SPOCK1: variants seen among roughly 807,000 people sequenced by gnomAD.
The protein encoded by SPOCK1 is testican-1.
In SPOCK1, 23 loss-of-function variants were observed where a neutral mutation model predicts 55.3. The ratio of observed to expected loss-of-function variants is 0.42; its 90% CI spans 0.30 to 0.59. The LOEUF (loss-of-function observed/expected upper bound fraction) is 0.59, where lower values mean the gene tolerates loss of function less well. Among genes scored for constraint, SPOCK1 ranks in the 20% least tolerant of loss-of-function variants. SPOCK1 has a pLI of 0.22. For missense variants in SPOCK1, 499 were observed against 552.5 expected (o/e 0.90, Z 0.97); for synonymous variants, 226 against 221.0 (o/e 1.02, Z -0.20).
chr5:137,074,554 T>C (rs1307749857), intron 5 of SPOCK1, among the ~76,000 whole-genome samples: 3 of 152,234 alleles, frequency 2.0e-5, no homozygotes, highest in African/African-American at 7.2e-5. Context: ...TTCGCTCTTA[T>C]TGCCCAGGCT....
chr5:137,075,850 C>T (rs536886361), intron 5 of SPOCK1, among the ~76,000 whole-genome samples: 54 of 152,350 alleles, frequency 3.5e-4, no homozygotes, highest in African/African-American at 1.1e-3. Context: ...TGCCTTGGCT[C>T]ACCTCCACTG....
intron 4 of SPOCK1, among the ~76,000 whole-genome samples, chr5:137,123,425 C>A (rs913519078): frequency 1.3e-5 from 2 of 152,130 alleles, no homozygotes; most frequent in African/African-American, 4.8e-5. Context: ...ACATTTGCCC[C>A]GTGTTCCCAG....
chr5:137,293,447 A>G (rs767212547), intron 2 of SPOCK1, among the ~76,000 whole-genome samples: 4 of 152,092 alleles, frequency 2.6e-5, no homozygotes, highest in Non-Finnish European at 5.9e-5. Flanking sequence ...TGCCCTCTAG[A>G]GCTTCAAATC....
Position 136,978,797 on chromosome 5 carries a change from C to A in SPOCK1, c.1177G>T (p.Val393Phe). ...SGDFGSGGSV[V>F]LLDDLEYERE... The stretch of plus-strand genomic sequence containing the variant: ...TCATATTCTAGGTCATCCAGCAGGA[C>A]CACGGACCCACCACTGCCAAAATCC... The change falls in exon 11 of 11, where the codon GTC (valine) becomes TTC (phenylalanine). Residue 393 changes from valine to phenylalanine, a missense_variant. Transcript: ENST00000394945. The A allele has an allele frequency of 1.2e-6, 2 of 1,613,752 alleles. No homozygotes were observed. Among genetic ancestry groups the A allele is most frequent in the South Asian group, 1.1e-5 (1 of 91,032 alleles).
chr5:137,244,747 C>T (rs990494604), intron 3 of SPOCK1, among the ~76,000 whole-genome samples: 3 of 152,174 alleles, frequency 2.0e-5, no homozygotes, highest in Non-Finnish European at 4.4e-5. Flanking sequence ...GCAAATAACT[C>T]CACAAGGCAA....
chr5:137,242,740 C>G (rs1475920118), intron 3 of SPOCK1, among the ~76,000 whole-genome samples: 1 of 151,976 alleles, frequency 6.6e-6, no homozygotes, highest in Admixed American at 6.5e-5. Context: ...CCTGTACCCC[C>G]AACCCCCAAA....
chr5:137,079,781 C>G (rs1384073397), intron 5 of SPOCK1, among the ~76,000 whole-genome samples: 1 of 151,922 alleles, frequency 6.6e-6, no homozygotes. Context: ...CTTTCTTTTC[C>G]CATCCCAAAC....
chr5:137,041,618 A>T (rs994062261), intron 6 of SPOCK1, among the ~76,000 whole-genome samples: 11 of 152,238 alleles, frequency 7.2e-5, no homozygotes, highest in Non-Finnish European at 1.5e-4. Context: ...TTCAACAAGA[A>T]CATAAACAAC....
chr5:137,400,284 G>C (rs1751947873), intron 2 of SPOCK1, among the ~76,000 whole-genome samples: 1 of 152,144 alleles, frequency 6.6e-6, no homozygotes, highest in South Asian at 2.1e-4. Context: ...CACAAACAGA[G>C]ACTGTACCAA....
At chr5:137,083,498 C>T (rs1752909106) in intron 5 of SPOCK1, among the ~76,000 whole-genome samples, 1 of 152,194 alleles carries the variant, frequency 6.6e-6, no homozygotes, top group African/African-American at 2.4e-5. Flanking sequence ...ATTTATTCAA[C>T]TGATATTTGT....
intron 6 of SPOCK1, among the ~76,000 whole-genome samples, chr5:137,026,621 CCA>C (rs149820839): frequency 6.6e-6 from 1 of 152,094 alleles, no homozygotes; most frequent in Admixed American, 6.5e-5. Context: ...CTTTTTCTGT[CCA>C]CACACACACC....
intron 2 of SPOCK1, among the ~76,000 whole-genome samples, chr5:137,490,837 A>G (rs1227498265): frequency 6.6e-6 from 1 of 152,102 alleles, no homozygotes; most frequent in Non-Finnish European, 1.5e-5. Flanking sequence ...ATAACAAAGA[A>G]TGGGCCATAT....
At chr5:137,168,681 C>CT (rs1754694237) in intron 3 of SPOCK1, among the ~76,000 whole-genome samples, 1 of 152,034 alleles carries the variant, frequency 6.6e-6, no homozygotes, top group South Asian at 2.1e-4. Flanking sequence ...GTTAAGATGG[C>CT]TTTTTTCCAT....
intron 3 of SPOCK1, among the ~76,000 whole-genome samples, chr5:137,174,769 G>T (rs1242937317): frequency 1.3e-5 from 2 of 152,206 alleles, no homozygotes; most frequent in Non-Finnish European, 2.9e-5. Flanking sequence ...CACTATTATG[G>T]TTTGGTGTCA....
At chr5:137,278,627 C>A (rs1757112970) in intron 2 of SPOCK1, among the ~76,000 whole-genome samples, 1 of 152,176 alleles carries the variant, frequency 6.6e-6, no homozygotes, top group Admixed American at 6.5e-5. Context: ...CCTGAGCTAC[C>A]CTGCCTGTTA....
chr5:137,250,219 A>G (rs1354142864), intron 3 of SPOCK1, among the ~76,000 whole-genome samples: 1 of 152,224 alleles, frequency 6.6e-6, no homozygotes, highest in Non-Finnish European at 1.5e-5. Flanking sequence ...TTCCCTCTAC[A>G]AGGCCAAATT....
intron 4 of SPOCK1, among the ~76,000 whole-genome samples, chr5:137,130,141 T>C (rs1561620141): frequency 6.6e-6 from 1 of 152,298 alleles, no homozygotes; most frequent in East Asian, 1.9e-4. Context: ...TGTCATAACC[T>C]TTACAAAGGT....
chr5:137,073,077 C>A (rs1339633516), intron 5 of SPOCK1, among the ~76,000 whole-genome samples: 1 of 152,176 alleles, frequency 6.6e-6, no homozygotes, highest in Non-Finnish European at 1.5e-5. Flanking sequence ...TGCACAGAAA[C>A]AAGGGAAGGT....
At chr5:137,113,044 CTT>C (rs766175444) in intron 4 of SPOCK1, among the ~76,000 whole-genome samples, 2 of 152,136 alleles carry the variant, frequency 1.3e-5, no homozygotes, top group Non-Finnish European at 2.9e-5. Context: ...AACTGAAAGA[CTT>C]TATCACAGCT....
Sources: allele counts gnomAD v4.1 joint callset (sites outside exome capture counted in the v4.1 genomes callset), GRCh38; gene constraint gnomAD v4.1.1; transcripts MANE v1.5; gene names NCBI Gene and HGNC (gene_info 2026-07-23, HGNC 2026-07-21).